NAA16: variants seen among roughly 807,000 people sequenced by gnomAD.
NAA16 encodes N-alpha-acetyltransferase 16, NatA auxiliary subunit.
Under a neutral mutation model 110.3 loss-of-function variants are expected in NAA16, and 97 were observed. The observed-to-expected ratio is 0.88, with a 90% CI of 0.75 to 1.04. The LOEUF is 1.04. Among genes scored for constraint, NAA16 ranks in the 50% least tolerant of loss-of-function variants. The pLI is 0.00. For missense variants in NAA16, 1,017 were observed against 1,005.1 expected, an observed-to-expected ratio of 1.01 and a Z score of -0.16; for synonymous variants, 372 against 330.6, an observed-to-expected ratio of 1.13 and a Z score of -1.36.
intron 8 of NAA16, among the ~76,000 whole-genome samples, chr13:41,334,051 A>T (rs1278538758): frequency 6.6e-6 from 1 of 152,126 alleles, no homozygotes; most frequent in Admixed American, 6.5e-5. Context: ...ATATAAAATT[A>T]TGCAAATACT....
At chr13:41,371,189 CA>C (rs1383636436) in intron 15 of NAA16, among the ~76,000 whole-genome samples, 1 of 152,094 alleles carries the variant, frequency 6.6e-6, no homozygotes, top group African/African-American at 2.4e-5. Flanking sequence ...AAACCATTGC[CA>C]GATGATGAGG....
At chr13:41,362,334 C>T (rs2043129334) in intron 13 of NAA16, 175 bp downstream of exon 13, 1 of 590,266 alleles carries the variant, frequency 1.7e-6, no homozygotes, top group East Asian at 3.4e-5. Context: ...CTTTACTGAT[C>T]CTCAAGTGAT....
chr13:41,331,810 C>T (rs1434534328), intron 8 of NAA16, among the ~76,000 whole-genome samples: 1 of 152,050 alleles, frequency 6.6e-6, no homozygotes, highest in Non-Finnish European at 1.5e-5. Context: ...GTTCGCAGCA[C>T]ATAGAAATGA....
intron 9 of NAA16, among the ~76,000 whole-genome samples, chr13:41,340,127 T>C (rs571001113): frequency 6.6e-6 from 1 of 152,322 alleles, no homozygotes; most frequent in South Asian, 2.1e-4. Context: ...TTGTTTCTTA[T>C]TATCCATTAT....
intron 3 of NAA16, 149 bp downstream of exon 3, chr13:41,319,059 A>G (rs1460479983): frequency 2.3e-6 from 1 of 429,518 alleles, no homozygotes; most frequent in Non-Finnish European, 4.1e-6. Flanking sequence ...ATCATTATCA[A>G]CATTTTGTAA....
At chr13:41,329,751 CAT>C (rs1169873531) in intron 7 of NAA16, among the ~76,000 whole-genome samples, 18 of 151,876 alleles carry the variant, frequency 1.2e-4, no homozygotes, top group African/African-American at 2.4e-4. Flanking sequence ...CAGCAAAGCT[CAT>C]ATGTGTGAAG....
chr13:41,346,571 A>G (rs2042686172), intron 9 of NAA16, among the ~76,000 whole-genome samples: 1 of 152,140 alleles, frequency 6.6e-6, no homozygotes. Flanking sequence ...AGGGTAGGGC[A>G]GGGCGAACAG....
rs2043275015 is a variant in NAA16 at position 41,369,512 on chromosome 13, CTG to C, written c.1947+233_1947+234del. Among the ~76,000 whole-genome samples the C allele has an allele frequency of 2.0e-5, 3 of 152,214 alleles. No homozygotes were observed. In the South Asian group the frequency reaches 6.2e-4, roughly 32 times the overall value. On this transcript the variant is annotated intron_variant, in intron 15 of 19. Transcript: ENST00000379406. The stretch of plus-strand genomic sequence containing the variant: ...CAGAGTAATGGCCCTGCAAAGGTGT[CTG>C]TGTTCTGGTCCCCCCAGCCTGTGAA...
At chr13:41,373,058 A>G (rs1301424345) in intron 17 of NAA16, 18 of 847,326 alleles carry the variant, frequency 2.1e-5, no homozygotes, top group Non-Finnish European at 2.5e-5. Flanking sequence ...GGTGGACATT[A>G]AAGAGATTTG....
chr13:41,334,877 A>G (rs952852263), intron 8 of NAA16, among the ~76,000 whole-genome samples: 1 of 145,850 alleles, frequency 6.9e-6, no homozygotes, highest in African/African-American at 2.6e-5. Flanking sequence ...GTGTGAGCCA[A>G]AATATGTGTG....
intron 7 of NAA16, among the ~76,000 whole-genome samples, chr13:41,329,530 T>G (rs2042180292): frequency 6.6e-6 from 1 of 151,616 alleles, no homozygotes; most frequent in Non-Finnish European, 1.5e-5. Context: ...TTTTTAGAAT[T>G]TTTAAATTTA....
chr13:41,315,023 A>T lies in NAA16; in HGVS notation c.55-1823A>T, dbSNP rs573816302. On this transcript the variant is annotated intron_variant, in intron 1 of 19. Transcript: ENST00000379406. ...ATAAATAAGAAAGATAGGTGAGATC[A>T]TTGTTCTAAGGATCCATTATATGAT... 6.6e-5 allele frequency among the ~76,000 whole-genome samples: 10 copies of T among 152,278 alleles called. No individual in the cohort carries two copies. In the East Asian group the frequency reaches 1.7e-3, roughly 26 times the overall value.
Position 41,323,382 on chromosome 13 carries a change from G to A in NAA16, c.537+192G>A, listed in dbSNP as rs1222710755. Among the ~76,000 whole-genome samples the A allele has an allele frequency of 2.0e-5, 3 of 147,604 alleles. No homozygotes were observed. The East Asian group carries it at 5.9e-4, about 29-fold the overall frequency. On this transcript the variant is annotated intron_variant, in intron 5 of 19. Coordinates refer to ENST00000379406, the MANE Select transcript of NAA16 (RefSeq NM_024561.5). ...TTTTTTTTTTCCGAGACGGAGTCTC[G>A]CTCTGTCCCCCAGGCTGGAGTGCAG...
chr13:41,347,188 C>T (rs555453870), intron 9 of NAA16, among the ~76,000 whole-genome samples: 12 of 143,632 alleles, frequency 8.4e-5, no homozygotes, highest in African/African-American at 3.0e-4. Context: ...TACACTCCAG[C>T]GTGGCGACAG....
Position 41,375,646 on chromosome 13 carries a change from A to G in NAA16, c.*44A>G. ...CTCCTATAGACTCAAAGCTGAATTGAGATCAGGGTTTCTTTTCCAGGGTGC... is the reference window on the plus strand; with the variant it reads ...CTCCTATAGACTCAAAGCTGAATTGGGATCAGGGTTTCTTTTCCAGGGTGC... On this transcript the variant is annotated 3_prime_UTR_variant, in exon 20 of 20. Coordinates refer to ENST00000379406, the MANE Select transcript of NAA16 (RefSeq NM_024561.5). The G allele has an allele frequency of 1.4e-6, 2 of 1,424,036 alleles. No individual in the cohort carries two copies. Among genetic ancestry groups the G allele is most frequent in the Non-Finnish European group, 9.5e-7 (1 of 1,049,484 alleles). 88.2% of individuals were successfully genotyped at this position (1,424,036 alleles called of 1,614,324 possible). A position where few individuals can be genotyped will look rare whatever the true frequency, so the allele number is the denominator to read the frequency against.
At chr13:41,352,690 T>A (rs2042868997) in intron 9 of NAA16, among the ~76,000 whole-genome samples, 1 of 152,132 alleles carries the variant, frequency 6.6e-6, no homozygotes, top group East Asian at 1.9e-4. Context: ...TAAAATATAT[T>A]CAAGAAGTAT....
chr13:41,355,042 C>A, intron 9 of NAA16, 102 bp from the exon 10 acceptor site: 1 of 680,098 alleles, frequency 1.5e-6, no homozygotes, highest in Non-Finnish European at 2.5e-6. Context: ...ATTTATAGTT[C>A]TGAAATAAGC....
rs140932746 is a variant in NAA16 at position 41,358,889 on chromosome 13, C to G, written c.1337C>G (p.Ser446Cys). The change falls in exon 12 of 20, where the codon TCC (serine) becomes TGC (cysteine). Residue 446 changes from serine (S) to cysteine (C), a missense_variant. By Grantham distance (112) the Ser-to-Cys change is moderately radical. Coordinates refer to ENST00000379406, the MANE Select transcript of NAA16 (RefSeq NM_024561.5). ...SLDTADRFINSKCAKYMLRAN... is the reference protein window; with the variant it reads ...SLDTADRFINCKCAKYMLRAN... ...GACACAGCTGATAGATTCATCAATT[C>G]CAAATGTGCAAAATACATGCTTCGA... 6.2e-7 allele frequency: 1 copy of G among 1,612,472 alleles called. No individual in the cohort carries two copies. The highest frequency in any genetic ancestry group is 1.3e-5 in the African/African-American group (1 of 74,984).
chr13:41,361,260 A>G (rs758986844), intron 12 of NAA16, among the ~76,000 whole-genome samples: 5 of 152,238 alleles, frequency 3.3e-5, no homozygotes, highest in African/African-American at 1.2e-4. Flanking sequence ...GAAATATTAA[A>G]GTAGAAGAGT....
Sources: gnomAD v4.1 joint callset for allele counts (sites outside exome capture counted in the v4.1 genomes callset) on GRCh38, gnomAD v4.1.1 for gene constraint, MANE v1.5 for transcripts, NCBI Gene and HGNC (gene_info 2026-07-23, HGNC 2026-07-21) for gene names.